The following SCD5 variants were observed in gnomAD, a reference collection of about 807,000 sequenced individuals.
SCD5 encodes the protein stearoyl-CoA desaturase 5, also known as acyl-CoA-desaturase 4.
In SCD5, 20 loss-of-function variants were observed where a neutral mutation model predicts 30.4. The ratio of observed to expected loss-of-function variants is 0.66; its 90% confidence interval spans 0.46 to 0.96. SCD5 has a LOEUF of 0.96. SCD5 is among the 40% of genes least tolerant of loss of function. The probability of loss-of-function intolerance (pLI) is 0.00; values close to 1 mark genes in which losing one functional copy is unlikely to be tolerated. For missense variants in SCD5, 381 were observed against 443.3 expected, an observed-to-expected ratio of 0.86 and a Z score of 1.26; for synonymous variants, 173 against 176.4, an observed-to-expected ratio of 0.98 and a Z score of 0.16.
intron 2 of SCD5, among the ~76,000 whole-genome samples, chr4:82,687,656 C>A (rs1250440161): frequency 6.6e-6 from 1 of 152,200 alleles, no homozygotes; most frequent in Non-Finnish European, 1.5e-5. Flanking sequence ...CTTCACTATC[C>A]ATGATTGATA....
intron 1 of SCD5, among the ~76,000 whole-genome samples, chr4:82,720,440 A>AT (rs1560543472): frequency 1.4e-5 from 2 of 139,258 alleles, no homozygotes; most frequent in Non-Finnish European, 3.0e-5. Context: ...AAAGGCAAAA[A>AT]TAAAAAAAAA....
At chr4:82,772,085 T>A (rs1002002321) in intron 1 of SCD5, among the ~76,000 whole-genome samples, 5 of 152,154 alleles carry the variant, frequency 3.3e-5, no homozygotes, top group African/African-American at 1.2e-4. Flanking sequence ...ATAAAAAAAA[T>A]TTTGATGGCG....
chr4:82,635,415 C>T (rs1160860146), intron 4 of SCD5, among the ~76,000 whole-genome samples: 1 of 151,836 alleles, frequency 6.6e-6, no homozygotes, highest in East Asian at 1.9e-4. Flanking sequence ...GTCAGGAGAT[C>T]GAAACCATCC....
chr4:82,715,496 G>C (rs1249180260), intron 1 of SCD5, among the ~76,000 whole-genome samples: 1 of 151,142 alleles, frequency 6.6e-6, no homozygotes, highest in South Asian at 2.1e-4. Flanking sequence ...CCCTTGACAA[G>C]TTACTCATCA....
At chr4:82,642,441 T>A (rs1727564521) in intron 3 of SCD5, among the ~76,000 whole-genome samples, 1 of 152,216 alleles carries the variant, frequency 6.6e-6, no homozygotes, top group Non-Finnish European at 1.5e-5. Flanking sequence ...TTGAAGTGGA[T>A]ACTGTGTACA....
chr4:82,728,623 G>C lies in SCD5; in HGVS notation c.233-23210C>G, dbSNP rs190697970. Among the ~76,000 whole-genome samples the C allele has an allele frequency of 3.1e-3, 471 of 152,186 alleles. 2 individuals are homozygous for C. Among genetic ancestry groups the C allele is most frequent in the Middle Eastern group, 6.8e-3 (2 of 294 alleles). On this transcript the variant is annotated intron_variant, in intron 1 of 4. Coordinates refer to ENST00000319540, the MANE Select transcript of SCD5 (RefSeq NM_001037582.3). ...TCAACTGATCCTGTGGCCCCACCCAGAGGCAGACTCAGTGCAAAAGGACCA... is the reference window on the plus strand; with the variant it reads ...TCAACTGATCCTGTGGCCCCACCCACAGGCAGACTCAGTGCAAAAGGACCA...
intron 1 of SCD5, among the ~76,000 whole-genome samples, chr4:82,748,434 T>C (rs993880587): frequency 6.6e-6 from 1 of 152,196 alleles, no homozygotes; most frequent in East Asian, 1.9e-4. Flanking sequence ...GCTGTGTCTA[T>C]TTCTACTTAG....
At chr4:82,796,226 C>G (rs1054748798) in intron 1 of SCD5, among the ~76,000 whole-genome samples, 22 of 150,672 alleles carry the variant, frequency 1.5e-4, no homozygotes, top group African/African-American at 2.5e-5. Context: ...GCCGAGATCG[C>G]ACCACTGCAC....
intron 1 of SCD5, among the ~76,000 whole-genome samples, chr4:82,767,281 C>T (rs1721513445): frequency 6.6e-6 from 1 of 152,048 alleles, no homozygotes; most frequent in Admixed American, 6.6e-5. Context: ...ACTCTATCTG[C>T]TGCAGCTCTC....
chr4:82,749,010 C>T (rs1423688715), intron 1 of SCD5, among the ~76,000 whole-genome samples: 2 of 152,294 alleles, frequency 1.3e-5, no homozygotes, highest in Middle Eastern at 3.4e-3. Context: ...GGCAATTCGA[C>T]TAGGTCTAGG....
chr4:82,664,448 G>A (rs116490883), intron 3 of SCD5, among the ~76,000 whole-genome samples: 6,732 of 152,176 alleles, frequency 0.044, 212 homozygotes, highest in Non-Finnish European at 0.073. Context: ...TGCAAGGGGG[G>A]GGGAACAAAA....
At chr4:82,770,220 T>C (rs889062238) in intron 1 of SCD5, among the ~76,000 whole-genome samples, 4 of 152,108 alleles carry the variant, frequency 2.6e-5, no homozygotes, top group Non-Finnish European at 4.4e-5. Context: ...GTGTGTGATG[T>C]TCCCCTTCCT....
chr4:82,659,297 A>G (rs1727935257), intron 3 of SCD5, among the ~76,000 whole-genome samples: 1 of 151,994 alleles, frequency 6.6e-6, no homozygotes, highest in South Asian at 2.1e-4. Flanking sequence ...GGATTCATTG[A>G]TTTTTTGAAG....
chr4:82,787,167 T>C (rs1722005804), intron 1 of SCD5, among the ~76,000 whole-genome samples: 1 of 152,194 alleles, frequency 6.6e-6, no homozygotes, highest in Admixed American at 6.5e-5. Flanking sequence ...AGAACAGAAA[T>C]CCTGTTAGGA....
intron 1 of SCD5, among the ~76,000 whole-genome samples, chr4:82,713,099 G>C (rs1285002626): frequency 6.6e-6 from 1 of 152,192 alleles, no homozygotes; most frequent in East Asian, 1.9e-4. Flanking sequence ...CATATGAGCT[G>C]CAGAAAGATA....
intron 1 of SCD5, among the ~76,000 whole-genome samples, chr4:82,761,382 A>G (rs11730853): frequency 0.07 from 10,580 of 152,192 alleles, 765 homozygotes; most frequent in African/African-American, 0.18. Context: ...CGAAGATTCC[A>G]TCCACACCAA....
intron 1 of SCD5, among the ~76,000 whole-genome samples, chr4:82,779,401 G>T (rs1721822458): frequency 6.6e-6 from 1 of 152,134 alleles, no homozygotes; most frequent in East Asian, 1.9e-4. Context: ...TACCCACGAG[G>T]GCCTCCTGAA....
intron 2 of SCD5, among the ~76,000 whole-genome samples, chr4:82,699,823 G>C (rs1385452595): frequency 6.6e-6 from 1 of 151,900 alleles, no homozygotes; most frequent in African/African-American, 2.4e-5. Context: ...CACCACGCCT[G>C]GCTAATTTTT....
At chr4:82,733,136 AG>A (rs1560547226) in intron 1 of SCD5, among the ~76,000 whole-genome samples, 1 of 152,194 alleles carries the variant, frequency 6.6e-6, no homozygotes, top group African/African-American at 2.4e-5. Context: ...AGAAGCAAAG[AG>A]GTTAAGTAAC....
Sources: gnomAD v4.1 joint callset for allele counts (sites outside exome capture counted in the v4.1 genomes callset) on GRCh38, gnomAD v4.1.1 for gene constraint, MANE v1.5 for transcripts, NCBI Gene and HGNC (gene_info 2026-07-23, HGNC 2026-07-21) for gene names.